Variants in GPR39 observed in about 807,000 individuals in gnomAD.
The protein encoded by GPR39 is G protein-coupled receptor 39.
GPR39 carries 23 observed loss-of-function variants against 18.4 expected under a neutral mutation model. The ratio of observed to expected loss-of-function variants is 1.25; its 90% CI spans 0.90 to 1.77. The LOEUF (loss-of-function observed/expected upper bound fraction) is 1.77, where lower values mean the gene tolerates loss of function less well. Among genes scored for constraint, GPR39 ranks in the 40% most tolerant of loss-of-function variants. GPR39 has a pLI of 0.00. For missense variants in GPR39, 647 were observed against 602.4 expected (o/e 1.07, Z -0.78); for synonymous variants, 280 against 257.9 (o/e 1.09, Z -0.82).
intron 1 of GPR39, among the ~76,000 whole-genome samples, chr2:132,438,837 G>T (rs1680381576): frequency 6.6e-6 from 1 of 152,164 alleles, no homozygotes; most frequent in African/African-American, 2.4e-5. Context: ...AAGCCCTGGA[G>T]AGAAGGGGAA....
intron 1 of GPR39, among the ~76,000 whole-genome samples, chr2:132,639,616 A>G (rs1410110987): frequency 6.6e-6 from 1 of 152,336 alleles, no homozygotes; most frequent in East Asian, 1.9e-4. Context: ...GGATGGACGG[A>G]TGAATGGGTA....
intron 1 of GPR39, among the ~76,000 whole-genome samples, chr2:132,572,533 A>C (rs1311235671): frequency 6.7e-6 from 1 of 150,108 alleles, no homozygotes; most frequent in Admixed American, 6.6e-5. Context: ...GGGTTAGAAG[A>C]GATTAAAAAA....
At chr2:132,512,531 A>T (rs1679260031) in intron 1 of GPR39, among the ~76,000 whole-genome samples, 1 of 152,176 alleles carries the variant, frequency 6.6e-6, no homozygotes, top group Non-Finnish European at 1.5e-5. Flanking sequence ...TGGGGATTCC[A>T]GTTTCAGAAT....
In GPR39 at chr2:132,493,500, T is replaced by C. The variant is rs998819726; in HGVS notation, c.856+75602T>C. Among the ~76,000 whole-genome samples, 23 of 84,530 alleles carry C rather than the reference T, an allele frequency of 2.7e-4. No homozygotes were observed. In the East Asian group the frequency reaches 5.1e-3, roughly 19 times the overall value. 55.5% of individuals were successfully genotyped at this position (84,530 alleles called of 152,430 possible). A position where few individuals can be genotyped will look rare whatever the true frequency, so the allele number is the denominator to read the frequency against. On this transcript the variant is annotated intron_variant, in intron 1 of 1. Coordinates refer to ENST00000329321, the MANE Select transcript of GPR39 (RefSeq NM_001508.3). ...TATATATATACACCATATATATATA[T>C]ACACCATATATATATATATATATAT...
chr2:132,462,052 T>A (rs1680842348), intron 1 of GPR39, among the ~76,000 whole-genome samples: 1 of 152,228 alleles, frequency 6.6e-6, no homozygotes. Flanking sequence ...TCTCCATGAC[T>A]GTTTTAATCA....
chr2:132,427,617 A>G (rs947301690), intron 1 of GPR39, among the ~76,000 whole-genome samples: 1 of 150,700 alleles, frequency 6.6e-6, no homozygotes, highest in Non-Finnish European at 1.5e-5. Context: ...TCTACTTTCT[A>G]TGTGCTGCCA....
chr2:132,547,705 G>A (rs2104791708), intron 1 of GPR39, among the ~76,000 whole-genome samples: 1 of 152,200 alleles, frequency 6.6e-6, no homozygotes, highest in African/African-American at 2.4e-5. Context: ...TAACTGATAG[G>A]ACACCCACAC....
At chr2:132,615,066 C>T (rs1453410962) in intron 1 of GPR39, among the ~76,000 whole-genome samples, 2 of 152,300 alleles carry the variant, frequency 1.3e-5, no homozygotes, top group South Asian at 2.1e-4. Flanking sequence ...CCCCCATGCC[C>T]ACCCCATGTG....
chr2:132,532,652 C>T (rs1679663087), intron 1 of GPR39, among the ~76,000 whole-genome samples: 1 of 152,158 alleles, frequency 6.6e-6, no homozygotes, highest in Non-Finnish European at 1.5e-5. Context: ...CCACCATGAT[C>T]AAGTGGGCTT....
At chr2:132,537,084 G>T (rs1157535163) in intron 1 of GPR39, among the ~76,000 whole-genome samples, 1 of 152,132 alleles carries the variant, frequency 6.6e-6, no homozygotes, top group Non-Finnish European at 1.5e-5. Flanking sequence ...GGTTAATATT[G>T]TTATGTGGTA....
In GPR39 at chr2:132,456,007, G is replaced by T. The variant is rs368072254; in HGVS notation, c.856+38109G>T. Among the ~76,000 whole-genome samples the T allele has an allele frequency of 1.2e-4, 18 of 152,292 alleles. No individual in the cohort carries two copies. The East Asian group carries it at 2.3e-3, about 20-fold the overall frequency. ...ATGTCTATGAGGTCTGCTTGTTGCAGATCTGAGTTCAAGTCCTGGATATCC... is the reference window on the plus strand; with the variant it reads ...ATGTCTATGAGGTCTGCTTGTTGCATATCTGAGTTCAAGTCCTGGATATCC... On this transcript the variant is annotated intron_variant, in intron 1 of 1. Transcript: ENST00000329321.
chr2:132,431,984 C>A (rs1226607682), intron 1 of GPR39, among the ~76,000 whole-genome samples: 2 of 152,162 alleles, frequency 1.3e-5, no homozygotes, highest in Non-Finnish European at 2.9e-5. Context: ...ACTCTTTCAA[C>A]CTTCCAGTTG....
chr2:132,635,619 G>A (rs549641364), intron 1 of GPR39, among the ~76,000 whole-genome samples: 1 of 152,296 alleles, frequency 6.6e-6, no homozygotes, highest in Admixed American at 6.5e-5. Context: ...GAGGCATGGA[G>A]GCTAAAGAAA....
In GPR39 at chr2:132,417,849, C is replaced by T. The variant is rs376091400; in HGVS notation, c.807C>T (p.Ser269=). The T allele has an allele frequency of 7.6e-5, 123 of 1,611,620 alleles. 1 individual carries two copies. Among genetic ancestry groups the T allele is most frequent in the Non-Finnish European group, 9.2e-5 (108 of 1,179,828 alleles). Residue 269 remains serine, a synonymous_variant, in exon 1 of 2, where the codon TCC becomes TCT. Transcript: ENST00000329321. ...CGCGGCCTCCGCAGCTGAGGAAGTC[C>T]GAGAGCGAAGAGAGCAGGACCGCCA... The part of the protein sequence containing the change: ...GGTRPPQLRK[S]ESEESRTARR...
intron 1 of GPR39, among the ~76,000 whole-genome samples, chr2:132,551,128 T>C (rs1308636941): frequency 6.6e-6 from 1 of 152,200 alleles, no homozygotes; most frequent in Non-Finnish European, 1.5e-5. Context: ...TTGGCTTTGG[T>C]TCAGCAGCTC....
At chr2:132,599,077 T>C (rs1680997284) in intron 1 of GPR39, among the ~76,000 whole-genome samples, 1 of 151,906 alleles carries the variant, frequency 6.6e-6, no homozygotes, top group Admixed American at 6.6e-5. Flanking sequence ...CTGTGTGAAA[T>C]GGTTTATGTG....
chr2:132,595,155 T>C (rs2104835639), intron 1 of GPR39, among the ~76,000 whole-genome samples: 1 of 152,268 alleles, frequency 6.6e-6, no homozygotes, highest in African/African-American at 2.4e-5. Flanking sequence ...TACGCTACCA[T>C]GCCTGGCTAA....
At chr2:132,567,875 G>C (rs1558842606) in intron 1 of GPR39, among the ~76,000 whole-genome samples, 1 of 147,940 alleles carries the variant, frequency 6.8e-6, no homozygotes, top group African/African-American at 2.6e-5. Flanking sequence ...TTTAAAAAGG[G>C]GAGTTTCCCT....
At chr2:132,454,365 A>G (rs775174307) in intron 1 of GPR39, among the ~76,000 whole-genome samples, 1 of 152,152 alleles carries the variant, frequency 6.6e-6, no homozygotes, top group African/African-American at 2.4e-5. Flanking sequence ...TGCTTATCAG[A>G]TTAAGGAGAT....
Sources: allele counts gnomAD v4.1 joint callset (sites outside exome capture counted in the v4.1 genomes callset), GRCh38; gene constraint gnomAD v4.1.1; transcripts MANE v1.5; gene names NCBI Gene and HGNC (gene_info 2026-07-23, HGNC 2026-07-21).